RTL9: variants seen among roughly 807,000 people sequenced by gnomAD.
The protein encoded by RTL9 is retrotransposon Gag like 9.
Under a neutral mutation model 44.7 loss-of-function variants are expected in RTL9, and 19 were observed. The ratio of observed to expected loss-of-function variants is 0.42; its 90% confidence interval spans 0.30 to 0.62. The LOEUF (loss-of-function observed/expected upper bound fraction) is 0.62. Ranked by LOEUF, RTL9 falls within the 20% of genes least tolerant of loss-of-function variation. The pLI, the probability that RTL9 is intolerant of heterozygous loss-of-function variation, is 0.16. For synonymous variants in RTL9, 407 were observed against 398.9 expected (o/e 1.02, Z -0.24); for missense variants, 1,105 against 1,080.6 (o/e 1.02, Z -0.32).
At chrX:110,410,019 G>C (rs1569424075) in intron 1 of RTL9, among the ~76,000 whole-genome samples, 1 of 112,007 alleles carries the variant, frequency 8.9e-6, no homozygotes, top group Non-Finnish European at 1.9e-5. Context: ...ATGAGGACTT[G>C]AATTATCTGC....
rs372186567 is a variant in RTL9, at chrX:110,406,352, C to T, written c.-167-38801C>T. 1.6e-4 allele frequency among the ~76,000 whole-genome samples: 17 copies of T among 109,317 alleles called. No individual in the cohort carries two copies. The East Asian group carries it at 3.7e-3, about 24-fold the overall frequency. 94.9% of individuals were successfully genotyped at this position (109,317 alleles called of 115,157 possible). ...ACTCCCACTTATGAGTGAGGACATG[C>T]GGTGTTTGGTTTTCTGATCTTGCGA... On this transcript the variant is annotated intron_variant, in intron 1 of 2. Coordinates refer to the RTL9 transcript ENST00000520821.
At chrX:110,428,464 G>A (rs1346123647) in intron 1 of RTL9, among the ~76,000 whole-genome samples, 2 of 111,714 alleles carry the variant, frequency 1.8e-5, no homozygotes, top group Non-Finnish European at 3.8e-5. Flanking sequence ...TCTGCAGAAC[G>A]AATAACTGAA....
chrX:110,433,127 G>A (rs1274212334), intron 1 of RTL9, among the ~76,000 whole-genome samples: 1 of 112,498 alleles, frequency 8.9e-6, no homozygotes, highest in African/African-American at 3.2e-5. Flanking sequence ...TCCAAGACCT[G>A]CCTCAGTGAT....
At chrX:110,437,675 G>A (rs746240970) in intron 1 of RTL9, among the ~76,000 whole-genome samples, 3 of 111,597 alleles carry the variant, frequency 2.7e-5, no homozygotes, top group Non-Finnish European at 3.8e-5. Flanking sequence ...AATCTCCTTG[G>A]GAATGAGTTC....
At chrX:110,378,061 T>C (rs999388967) in intron 1 of RTL9, among the ~76,000 whole-genome samples, 1 of 107,045 alleles carries the variant, frequency 9.3e-6, no homozygotes, top group Non-Finnish European at 1.9e-5. Context: ...AAACCTCTCA[T>C]CTTTTGTCCT....
At chrX:110,435,286 T>G (rs189923798) in intron 1 of RTL9, among the ~76,000 whole-genome samples, 1 of 111,603 alleles carries the variant, frequency 9.0e-6, no homozygotes, top group African/African-American at 3.3e-5. Context: ...TGGGAGTATC[T>G]TCTAACAAAA....
chrX:110,451,223 G>A, exon 1 of RTL9: 1 of 1,211,565 alleles, frequency 8.3e-7, no homozygotes, highest in Admixed American at 2.2e-5. Context: ...ATTCTGGAGA[G>A]TTATCCCCAA....
intron 1 of RTL9, among the ~76,000 whole-genome samples, chrX:110,385,984 T>A (rs1438711271): frequency 8.9e-6 from 1 of 112,572 alleles, no homozygotes; most frequent in Non-Finnish European, 1.9e-5. Context: ...GGCTGAATAA[T>A]AGTTCATTAT....
chrX:110,382,328 A>G (rs1032860292), intron 1 of RTL9, among the ~76,000 whole-genome samples: 5 of 107,068 alleles, frequency 4.7e-5, no homozygotes, highest in African/African-American at 1.7e-4. Flanking sequence ...TTGTACAGGA[A>G]AAAAAAAACC....
chrX:110,401,371 G>A (rs1180131694), intron 1 of RTL9, among the ~76,000 whole-genome samples: 1 of 111,472 alleles, frequency 9.0e-6, no homozygotes, highest in Non-Finnish European at 1.9e-5. Context: ...CACCTACTAT[G>A]GCTCCTACAG....
intron 1 of RTL9, among the ~76,000 whole-genome samples, chrX:110,390,368 A>G (rs6567861): frequency 0.074 from 8,353 of 112,236 alleles, 464 homozygotes; most frequent in African/African-American, 0.19. Flanking sequence ...ATTTAATTGC[A>G]TTTAAATATA....
exon 1 of RTL9, chrX:110,454,569 C>G: frequency 8.3e-7 from 1 of 1,211,685 alleles, no homozygotes; most frequent in African/African-American, 1.7e-5. Context: ...GAAGGATTCC[C>G]CAGGCAACTC....
chrX:110,396,582 A>G (rs2148292042), intron 1 of RTL9, among the ~76,000 whole-genome samples: 1 of 112,158 alleles, frequency 8.9e-6, no homozygotes, highest in African/African-American at 3.2e-5. Context: ...CAGAGCTGGA[A>G]TTACAGTTTG....
chrX:110,362,110 T>C (rs1049047739), intron 1 of RTL9, among the ~76,000 whole-genome samples: 3 of 111,790 alleles, frequency 2.7e-5, no homozygotes, highest in African/African-American at 9.7e-5. Flanking sequence ...AATGAATGCA[T>C]CAGTGGGAGA....
At chrX:110,386,452 C>A (rs780611992) in intron 1 of RTL9, among the ~76,000 whole-genome samples, 1 of 110,475 alleles carries the variant, frequency 9.1e-6, no homozygotes, top group African/African-American at 3.3e-5. Context: ...GGTTGAGTAT[C>A]TTTTCATGTG....
intron 1 of RTL9, among the ~76,000 whole-genome samples, chrX:110,377,072 A>G (rs1023248811): frequency 9.0e-6 from 1 of 111,584 alleles, no homozygotes; most frequent in East Asian, 2.8e-4. Flanking sequence ...GTAGACAGTA[A>G]TAACAATAAA....
chrX:110,379,929 C>T (rs1007893110), intron 1 of RTL9, among the ~76,000 whole-genome samples: 5 of 111,626 alleles, frequency 4.5e-5, no homozygotes, highest in Admixed American at 3.8e-4. Context: ...CTTGCTACAA[C>T]TTTTGGAAGA....
chrX:110,424,788 T>G lies in RTL9; in HGVS notation c.-168+5653T>G, dbSNP rs138762182. Among the ~76,000 whole-genome samples the G allele has an allele frequency of 9.3e-3, 1,046 of 111,914 alleles. 13 individuals carry two copies. Among genetic ancestry groups the G allele is most frequent in the African/African-American group, 0.032 (994 of 30,741 alleles). On this transcript the variant is annotated intron_variant, in intron 1 of 3. Transcript: ENST00000465301. Reference sequence around the variant, plus strand: ...CCTGGGTTAGTGGTGAGAACAAGGATCAAGAAGGCTCTGCCACCAAATAAC... The same window carrying G: ...CCTGGGTTAGTGGTGAGAACAAGGAGCAAGAAGGCTCTGCCACCAAATAAC...
At chrX:110,379,815 G>T (rs553200613) in intron 1 of RTL9, among the ~76,000 whole-genome samples, 1 of 111,856 alleles carries the variant, frequency 8.9e-6, no homozygotes, top group Admixed American at 9.4e-5. Context: ...GCCTTTGAGT[G>T]GTCTTTTCAA....
Sources: allele counts gnomAD v4.1 joint callset (sites outside exome capture counted in the v4.1 genomes callset), GRCh38; gene constraint gnomAD v4.1.1; transcripts MANE v1.5; gene names NCBI Gene and HGNC (gene_info 2026-07-23, HGNC 2026-07-21).